POT1: variants seen among roughly 807,000 people sequenced by gnomAD.
POT1 encodes protection of telomeres protein 1.
In POT1, 47 loss-of-function variants were observed where a neutral mutation model predicts 78.5. That is an observed-to-expected ratio of 0.60 (90% confidence interval 0.47 to 0.76). The LOEUF is 0.76. Ranked by LOEUF, POT1 falls within the 30% of genes least tolerant of loss-of-function variation. The pLI, the probability that POT1 is intolerant of heterozygous loss-of-function variation, is 0.00. For missense variants in POT1, 646 were observed against 749.9 expected, an observed-to-expected ratio of 0.86 and a Z score of 1.62; for synonymous variants, 259 against 260.7, an observed-to-expected ratio of 0.99 and a Z score of 0.06.
At chr7:124,901,068 G>A (rs1038609330) in intron 3 of POT1, among the ~76,000 whole-genome samples, 12 of 152,060 alleles carry the variant, frequency 7.9e-5, no homozygotes, top group African/African-American at 2.9e-4. Flanking sequence ...TCCACCTCTG[G>A]GGGCAGGGCA....
chr7:124,922,138 T>C (rs527510242), intron 2 of POT1, among the ~76,000 whole-genome samples: 1 of 152,072 alleles, frequency 6.6e-6, no homozygotes, highest in East Asian at 1.9e-4. Context: ...AACACAGAAT[T>C]CTATATCCAA....
At chr7:124,827,343 C>A in intron 16 of POT1, 38 bp from the exon 17 acceptor site, 1 of 1,192,626 alleles carries the variant, frequency 8.4e-7, no homozygotes, top group Non-Finnish European at 1.2e-6. Context: ...TATGAGTCTG[C>A]TATTCCTTAT....
intron 3 of POT1, among the ~76,000 whole-genome samples, chr7:124,909,538 GC>G (rs1187930355): frequency 6.6e-5 from 10 of 151,748 alleles, no homozygotes; most frequent in African/African-American, 1.7e-4. Flanking sequence ...CAAATAATCA[GC>G]ATTTCTGGGT....
chr7:124,892,926 G>C (rs896601576), intron 5 of POT1: 5 of 151,362 alleles, frequency 3.3e-5, no homozygotes, highest in African/African-American at 1.2e-4. Context: ...AGAAAAGAGA[G>C]TTTTATTAAA....
intron 2 of POT1, among the ~76,000 whole-genome samples, chr7:124,917,414 T>C (rs1434489866): frequency 6.6e-6 from 1 of 152,100 alleles, no homozygotes; most frequent in Non-Finnish European, 1.5e-5. Context: ...TCTAGTGCAT[T>C]GAAGCACCAA....
intron 5 of POT1, among the ~76,000 whole-genome samples, chr7:124,895,966 G>A (rs968857212): frequency 2.6e-5 from 4 of 151,630 alleles, no homozygotes; most frequent in Admixed American, 1.3e-4. Flanking sequence ...TGATTACCCT[G>A]AGTCACTTGA....
intron 3 of POT1, among the ~76,000 whole-genome samples, chr7:124,913,969 A>G (rs550097740): frequency 3.3e-5 from 5 of 151,974 alleles, no homozygotes; most frequent in African/African-American, 4.8e-5. Context: ...CCCCGTCTCT[A>G]CTAAAAATAC....
intron 2 of POT1, among the ~76,000 whole-genome samples, chr7:124,927,142 T>C (rs1049053349): frequency 2.0e-5 from 3 of 152,210 alleles, no homozygotes; most frequent in African/African-American, 7.2e-5. Context: ...TTGAAAGACA[T>C]TTTCTGCTTT....
intron 13 of POT1, 50 bp from the exon 14 acceptor site, chr7:124,841,228 G>A: frequency 1.4e-6 from 2 of 1,405,510 alleles, no homozygotes; most frequent in Non-Finnish European, 2.0e-6. Context: ...GTGTAAGCGT[G>A]AAGATTTCCA....
chr7:124,854,168 G>A (rs115356097), intron 9 of POT1, among the ~76,000 whole-genome samples: 2,595 of 151,878 alleles, frequency 0.017, 70 homozygotes, highest in African/African-American at 0.059. Context: ...TACAGATTTT[G>A]GAATATCTGC....
intron 8 of POT1, among the ~76,000 whole-genome samples, chr7:124,860,473 T>C (rs1795564335): frequency 6.6e-6 from 1 of 152,204 alleles, no homozygotes; most frequent in Non-Finnish European, 1.5e-5. Context: ...AAGATAAATA[T>C]ATTCTTTTAA....
intron 11 of POT1, among the ~76,000 whole-genome samples, chr7:124,847,372 T>C (rs552661671): frequency 1.3e-5 from 2 of 152,168 alleles, no homozygotes; most frequent in Non-Finnish European, 2.9e-5. Flanking sequence ...CAGATGCCTG[T>C]AATCCCAGCT....
chr7:124,863,791 AT>A, intron 7 of POT1, 151 bp from the exon 8 acceptor site: 1 of 633,344 alleles, frequency 1.6e-6, no homozygotes. Flanking sequence ...TTTAATTAGC[AT>A]GTAAATTCTA....
intron 6 of POT1, among the ~76,000 whole-genome samples, chr7:124,882,598 T>C (rs1447537579): frequency 6.6e-6 from 1 of 151,992 alleles, no homozygotes; most frequent in Admixed American, 6.6e-5. Context: ...ATAAACGTTA[T>C]TCTGGTGGAG....
At chr7:124,880,347 C>T (rs976219195) in intron 6 of POT1, among the ~76,000 whole-genome samples, 3 of 151,944 alleles carry the variant, frequency 2.0e-5, no homozygotes, top group African/African-American at 7.2e-5. Context: ...GATCTACTTT[C>T]GTAAACTGTG....
intron 2 of POT1, among the ~76,000 whole-genome samples, chr7:124,922,209 A>C (rs1431318674): frequency 1.3e-5 from 2 of 152,088 alleles, no homozygotes; most frequent in African/African-American, 4.8e-5. Flanking sequence ...GAAAGCTAAG[A>C]GAAGTTATCC....
At position 124,929,002 on chromosome 7, in the gene POT1, G is replaced by T. The variant is rs1797342980; in HGVS notation, c.-411-3C>A. On this transcript the variant is annotated splice_region_variant and splice_polypyrimidine_tract_variant and intron_variant, in intron 1 of 18. Transcript: ENST00000357628. ...CTAGGGAATCTGACAACTTGCTGCTGAAAATACAAAACCAGTGTTTTACCC... is the reference window on the plus strand; with the variant it reads ...CTAGGGAATCTGACAACTTGCTGCTTAAAATACAAAACCAGTGTTTTACCC... 6.6e-6 allele frequency: 1 copy of T among 152,592 alleles called. No individual in the cohort carries two copies. Among genetic ancestry groups the T allele is most frequent in the Admixed American group, 6.5e-5 (1 of 15,280 alleles). 9.5% of individuals were successfully genotyped at this position (152,592 alleles called of 1,614,324 possible). A position where few individuals can be genotyped will look rare whatever the true frequency, so the allele number is the denominator to read the frequency against.
chr7:124,911,388 G>T (rs1293525276), intron 3 of POT1, among the ~76,000 whole-genome samples: 7 of 152,092 alleles, frequency 4.6e-5, no homozygotes, highest in Admixed American at 3.9e-4. Flanking sequence ...CTTCCCTGAT[G>T]ACTGTCAAGA....
intron 6 of POT1, among the ~76,000 whole-genome samples, chr7:124,888,109 T>TAA (rs1796288276): frequency 6.6e-6 from 1 of 152,140 alleles, no homozygotes; most frequent in Admixed American, 6.6e-5. Flanking sequence ...TTTCAGGTCA[T>TAA]ACTCTTAAGT....
Sources: gnomAD v4.1 joint callset for allele counts (sites outside exome capture counted in the v4.1 genomes callset) on GRCh38, gnomAD v4.1.1 for gene constraint, MANE v1.5 for transcripts, NCBI Gene and HGNC (gene_info 2026-07-23, HGNC 2026-07-21) for gene names.